The following TM2D3 variants were observed in gnomAD, a reference collection of about 807,000 sequenced individuals.
TM2D3 encodes the protein TM2 domain containing 3, also known as TM2 domain-containing protein 3.
Under a neutral mutation model 27.3 loss-of-function variants are expected in TM2D3, and 33 were observed. The ratio of observed to expected loss-of-function variants is 1.21; its 90% CI spans 0.92 to 1.61. The LOEUF is 1.61. TM2D3 is among the 40% of genes most tolerant of loss of function. TM2D3 has a pLI of 0.00. For synonymous variants in TM2D3, 138 were observed against 122.2 expected (o/e 1.13, Z -0.85); for missense variants, 364 against 320.8 (o/e 1.13, Z -1.03).
At chr15:101,645,006 G>C in intron 5 of TM2D3, 81 bp downstream of exon 5, 2 of 1,195,516 alleles carry the variant, frequency 1.7e-6, no homozygotes, top group Non-Finnish European at 2.4e-6. Flanking sequence ...GAATGAAGGG[G>C]ACTGAGCTCA....
downstream of TM2D3, among the ~76,000 whole-genome samples, chr15:101,640,258 A>C (rs568309432): frequency 6.6e-6 from 1 of 152,276 alleles, no homozygotes; most frequent in Non-Finnish European, 1.5e-5. Context: ...TGATCAGGTC[A>C]TGAGGGTGGA....
At chr15:101,638,897 C>T (rs1896607575), downstream of TM2D3, among the ~76,000 whole-genome samples, 2 of 152,138 alleles carry the variant, frequency 1.3e-5, no homozygotes, top group Admixed American at 1.3e-4. Context: ...AGGTGTTTAG[C>T]TTACTCCCAG....
At chr15:101,637,360 T>C (rs1290153435), downstream of TM2D3, among the ~76,000 whole-genome samples, 1 of 152,206 alleles carries the variant, frequency 6.6e-6, no homozygotes, top group Non-Finnish European at 1.5e-5. Flanking sequence ...ACTGATTCTC[T>C]GCTGTGTCAG....
chr15:101,633,905 T>A (rs1203390761), intron 4 of TM2D3: 2 of 468,938 alleles, frequency 4.3e-6, no homozygotes, highest in Admixed American at 3.8e-5. Flanking sequence ...ACATTGGGAT[T>A]ACCTGACAAG....
At chr15:101,638,457 C>A (rs1256693144), downstream of TM2D3, among the ~76,000 whole-genome samples, 1 of 151,852 alleles carries the variant, frequency 6.6e-6, no homozygotes, top group Admixed American at 6.6e-5. Flanking sequence ...ACCACGCCCA[C>A]CTAATTGTTT....
chr15:101,641,692 CATTT>C (rs1475191109), downstream of TM2D3, among the ~76,000 whole-genome samples: 2 of 152,128 alleles, frequency 1.3e-5, no homozygotes. Flanking sequence ...TACTCAAAAA[CATTT>C]ATATATTTCC....
chr15:101,642,949 G>A (rs1295361321), intron 5 of TM2D3, among the ~76,000 whole-genome samples: 1 of 152,078 alleles, frequency 6.6e-6, no homozygotes, highest in African/African-American at 2.4e-5. Flanking sequence ...AGTCTAACAG[G>A]AAGTGCACTA....
At position 101,642,335 on chromosome 15, in the gene TM2D3, T is replaced by C; in HGVS notation, c.*144A>G. 1 of 1,334,094 alleles carries C rather than the reference T, an allele frequency of 7.5e-7. No individual in the cohort carries two copies. The highest frequency in any genetic ancestry group is 9.6e-7 in the Non-Finnish European group (1 of 1,039,592). The allele number at this position is 1,334,094 out of a possible 1,614,324, so 82.6% of individuals were successfully genotyped here. A position where few individuals can be genotyped will look rare whatever the true frequency, so the allele number is the denominator to read the frequency against. On this transcript the variant is annotated 3_prime_UTR_variant, in exon 6 of 6. Transcript: ENST00000333202. The stretch of plus-strand genomic sequence containing the variant: ...TTCCAGATTAGCATAGTTCAGCGTT[T>C]CATTTATCTTACCTTTATCAAGGCA...
At chr15:101,643,599 TAAAA>T (rs1158728522) in intron 5 of TM2D3, among the ~76,000 whole-genome samples, 14 of 47,326 alleles carry the variant, frequency 3.0e-4, no homozygotes, top group African/African-American at 8.7e-4. Flanking sequence ...GAGACTCCGT[TAAAA>T]AAAAAAAAAA....
chr15:101,643,702 G>A (rs1309992987), intron 5 of TM2D3, among the ~76,000 whole-genome samples: 1 of 151,238 alleles, frequency 6.6e-6, no homozygotes, highest in Non-Finnish European at 1.5e-5. Context: ...ACTGTAAGAG[G>A]TTAACAATGT....
chr15:101,648,051 C>T (rs1460975770), intron 3 of TM2D3, among the ~76,000 whole-genome samples: 1 of 152,122 alleles, frequency 6.6e-6, no homozygotes, highest in Admixed American at 6.5e-5. Context: ...ACGCACCCCA[C>T]CACGCCCAGC....
rs768143919 is a variant in TM2D3, at chr15:101,652,328, G to C, written c.34C>G (p.Arg12Gly). 1.9e-6 allele frequency: 3 copies of C among 1,602,056 alleles called. No individual in the cohort carries two copies. Among genetic ancestry groups the C allele is most frequent in the South Asian group, 1.1e-5 (1 of 90,318 alleles). ...AAGAGCAGCACGCGACACAAGGCGC[G>C]GAGGCCCCTCAGCGGGAGCACCCCT... ...AGGVLPLRGL[R>G]ALCRVLLFLS... The change falls in exon 1 of 6, where the codon CGC (arginine) becomes GGC (glycine). Residue 12 changes from arginine (R) to glycine (G), a missense_variant. By Grantham distance (125) the Arg-to-Gly change is moderately radical. Transcript: ENST00000333202.
intron 2 of TM2D3, 181 bp downstream of exon 2, chr15:101,651,515 A>G (rs905290032): frequency 1.7e-6 from 1 of 576,930 alleles, no homozygotes; most frequent in African/African-American, 1.9e-5. Flanking sequence ...CAAAAGGTAT[A>G]AATACGAAGA....
In TM2D3 at chr15:101,642,472, A is replaced by T. The variant is rs1194936149; in HGVS notation, c.*7T>A. On this transcript the variant is annotated 3_prime_UTR_variant, in exon 6 of 6. Transcript: ENST00000333202. ...AGCCCTGCTCCTTTCTGAAGCACAC[A>T]CCACAGCTAAATGTACAAAGAGCCA... The T allele has an allele frequency of 6.2e-7, 1 of 1,603,432 alleles. No individual in the cohort carries two copies.
At position 101,646,756 on chromosome 15, in the gene TM2D3, G is replaced by A; in HGVS notation, c.471C>T (p.Asn157=). The change falls in exon 4 of 6, where the codon AAC becomes AAT. Residue 157 remains asparagine (N), a synonymous_variant. Transcript: ENST00000333202. ...AGTGGACGTGGTCCCGCACCGTGCA[G>A]TTGGCAGGGTAGCGCTGCCGAGGAC... ...VSCPRQRYPA[N]CTVRDHVHCL... is the part of the protein sequence containing the mutation. 2 of 1,614,234 alleles carry A rather than the reference G, an allele frequency of 1.2e-6. No individual in the cohort carries two copies. Among genetic ancestry groups the A allele is most frequent in the East Asian group, 2.2e-5 (1 of 44,888 alleles).
At chr15:101,636,661 T>C (rs922261603) in intron 4 of TM2D3, 2 of 179,464 alleles carry the variant, frequency 1.1e-5, no homozygotes, top group African/African-American at 4.8e-5. Flanking sequence ...TCACAACATA[T>C]CTCCACTTCT....
intron 5 of TM2D3, among the ~76,000 whole-genome samples, chr15:101,643,467 T>C (rs1479209751): frequency 1.3e-5 from 2 of 151,856 alleles, no homozygotes; most frequent in Non-Finnish European, 2.9e-5. Context: ...CCAGGCGTGG[T>C]GGCGGGCGCC....
chr15:101,639,768 T>C (rs1357252172), downstream of TM2D3, among the ~76,000 whole-genome samples: 3 of 152,196 alleles, frequency 2.0e-5, no homozygotes, highest in African/African-American at 4.8e-5. Context: ...AATTTCTATA[T>C]ATTATCTCCT....
intron 4 of TM2D3, chr15:101,635,005 T>C (rs1453221390): frequency 6.6e-6 from 1 of 151,984 alleles, no homozygotes; most frequent in Non-Finnish European, 1.5e-5. Context: ...GAAAAAAATT[T>C]AAAAATTAGC....
Sources: allele counts gnomAD v4.1 joint callset (sites outside exome capture counted in the v4.1 genomes callset), GRCh38; gene constraint gnomAD v4.1.1; transcripts MANE v1.5; gene names NCBI Gene and HGNC (gene_info 2026-07-23, HGNC 2026-07-21).